BMERB1: variants seen among roughly 807,000 people sequenced by gnomAD.
BMERB1 encodes the protein bMERB domain-containing protein 1.
A neutral mutation model predicts 23.6 loss-of-function variants in BMERB1; 12 were observed. That is an observed-to-expected ratio of 0.51 (90% CI 0.33 to 0.82). BMERB1 has a LOEUF of 0.82. BMERB1 is among the 40% of genes least tolerant of loss of function. BMERB1 has a pLI of 0.03. For missense variants in BMERB1, 247 were observed against 255.4 expected (o/e 0.97, Z 0.22); for synonymous variants, 122 against 96.6 (o/e 1.26, Z -1.54).
chr16:15,579,605 A>G (rs770906522), intron 3 of BMERB1, among the ~76,000 whole-genome samples: 2 of 152,304 alleles, frequency 1.3e-5, no homozygotes, highest in Non-Finnish European at 2.9e-5. Flanking sequence ...AAAGAGCCCA[A>G]GTGGGTTTAA....
Position 15,586,896 on chromosome 16 carries a change from T to G in BMERB1, c.*67T>G, listed in dbSNP as rs938191154. On this transcript the variant is annotated 3_prime_UTR_variant, in exon 6 of 6. Transcript: ENST00000300006. ...CCCTCTTGTCTTTATAGCCCCCATT[T>G]CACCGGGGCCCAAGAGCTCTCCAAG... The G allele has an allele frequency of 4.7e-6, 5 of 1,055,702 alleles. No individual in the cohort carries two copies. Among genetic ancestry groups the G allele is most frequent in the Non-Finnish European group, 6.9e-6 (5 of 727,896 alleles). 65.4% of individuals were successfully genotyped at this position (1,055,702 alleles called of 1,614,324 possible). A position where few individuals can be genotyped will look rare whatever the true frequency, so the allele number is the denominator to read the frequency against.
In BMERB1 at chr16:15,434,690, G is replaced by A. The variant is rs1773083778; in HGVS notation, c.37G>A (p.Ala13Thr). The change falls in exon 1 of 6, where the codon GCC becomes ACC. Residue 13 changes from alanine (A) to threonine (T), a missense_variant. Coordinates refer to ENST00000300006, the MANE Select transcript of BMERB1 (RefSeq NM_033201.3). ...LKQSLSTHLEAEKPLRRYGAV... is the reference protein window; with the variant it reads ...LKQSLSTHLETEKPLRRYGAV... ...GCAATCTTTGTCCACCCATCTGGAA[G>A]CCGAGAAGCCTCTGAGGCGCTATGG... 1 of 1,607,762 alleles carries A rather than the reference G, an allele frequency of 6.2e-7. No individual in the cohort carries two copies. The highest frequency in any genetic ancestry group is 8.5e-7 in the Non-Finnish European group (1 of 1,176,348).
At chr16:15,509,035 G>A (rs1878582946) in intron 1 of BMERB1, among the ~76,000 whole-genome samples, 1 of 151,808 alleles carries the variant, frequency 6.6e-6, no homozygotes, top group Admixed American at 6.6e-5. Context: ...CCAAATCCAA[G>A]CTAAGCACCT....
intron 5 of BMERB1, 45 bp from the exon 6 acceptor site, chr16:15,586,672 T>C (rs1302426351): frequency 6.7e-7 from 1 of 1,483,884 alleles, no homozygotes; most frequent in Non-Finnish European, 9.2e-7. Context: ...CCTCTCTCTC[T>C]CTGTTCCTTT....
At chr16:15,535,748 GA>G (rs577683147) in intron 2 of BMERB1, among the ~76,000 whole-genome samples, 227 of 148,362 alleles carry the variant, frequency 1.5e-3, no homozygotes, top group African/African-American at 4.9e-3. Context: ...TTTCACACTG[GA>G]AAAAAAAAAT....
chr16:15,451,552 CTTTTTTT>C (rs35544766), intron 1 of BMERB1, among the ~76,000 whole-genome samples: 131 of 84,016 alleles, frequency 1.6e-3, no homozygotes, highest in African/African-American at 2.2e-3. Context: ...CTTAGTATTT[CTTTTTTT>C]TTTTTTTTTT....
intron 1 of BMERB1, among the ~76,000 whole-genome samples, chr16:15,496,526 C>T (rs999185863): frequency 6.6e-6 from 1 of 151,980 alleles, no homozygotes; most frequent in Admixed American, 6.6e-5. Flanking sequence ...GATTAATAGA[C>T]CCACTTTACA....
At chr16:15,543,040 A>T (rs2052101142) in intron 2 of BMERB1, among the ~76,000 whole-genome samples, 1 of 152,178 alleles carries the variant, frequency 6.6e-6, no homozygotes, top group Non-Finnish European at 1.5e-5. Flanking sequence ...TCTGGTGTCC[A>T]GGAAGAATCA....
At chr16:15,499,852 A>G (rs536917193) in intron 1 of BMERB1, among the ~76,000 whole-genome samples, 32 of 152,294 alleles carry the variant, frequency 2.1e-4, no homozygotes, top group Non-Finnish European at 4.3e-4. Context: ...CAGCTCATCA[A>G]AGACCTTCCA....
At chr16:15,539,658 A>G (rs1230349118) in intron 2 of BMERB1, among the ~76,000 whole-genome samples, 1 of 152,070 alleles carries the variant, frequency 6.6e-6, no homozygotes, top group Non-Finnish European at 1.5e-5. Context: ...CCTAGCCAAC[A>G]TGGTGGAAAC....
At position 15,587,914 on chromosome 16, in the gene BMERB1, A is replaced by G. The variant is rs1438522420; in HGVS notation, c.*1085A>G. 6.5e-6 allele frequency: 1 copy of G among 153,812 alleles called. No individual in the cohort carries two copies. The allele number at this position is 153,812 out of a possible 1,614,324, so 9.5% of individuals were successfully genotyped here. ...GTAGTTAGCATAACTCAAGATGCTG[A>G]TGTGCAGTCACCCATCAGAGAAAAT... is the stretch of plus-strand genomic sequence containing the variant. On this transcript the variant is annotated 3_prime_UTR_variant, in exon 6 of 6. Transcript: ENST00000300006.
Position 15,566,395 on chromosome 16 carries a change from G to T in BMERB1, c.231-1588G>T, listed in dbSNP as rs1397132403. Among the ~76,000 whole-genome samples the T allele has an allele frequency of 2.0e-5, 3 of 152,182 alleles. No homozygotes were observed. The East Asian group carries it at 5.8e-4, about 29-fold the overall frequency. ...TACAATGTAAGTGTTCATGCCACTA[G>T]ACCCAGCAATTGCATTTCTATGAAT... On this transcript the variant is annotated intron_variant, in intron 2 of 5. Transcript: ENST00000300006.
chr16:15,554,962 G>T (rs1048753329), intron 2 of BMERB1, among the ~76,000 whole-genome samples: 1 of 152,068 alleles, frequency 6.6e-6, no homozygotes, highest in Non-Finnish European at 1.5e-5. Flanking sequence ...CACCGTGCCC[G>T]GCCAGGAGCA....
intron 2 of BMERB1, among the ~76,000 whole-genome samples, chr16:15,533,587 T>C (rs2051991365): frequency 6.6e-6 from 1 of 152,044 alleles, no homozygotes; most frequent in East Asian, 1.9e-4. Context: ...TCCTCTCTGA[T>C]TGGTCCAAAT....
intron 3 of BMERB1, among the ~76,000 whole-genome samples, chr16:15,576,408 G>T (rs989910597): frequency 6.6e-6 from 1 of 152,110 alleles, no homozygotes; most frequent in Non-Finnish European, 1.5e-5. Context: ...GTTAGGAACC[G>T]CCAGGCCTGT....
chr16:15,519,475 C>G (rs144196622), intron 2 of BMERB1, among the ~76,000 whole-genome samples: 34 of 152,266 alleles, frequency 2.2e-4, no homozygotes, highest in Middle Eastern at 3.4e-3. Flanking sequence ...ACTGCAACCT[C>G]CGTCTCCTGG....
intron 1 of BMERB1, among the ~76,000 whole-genome samples, chr16:15,441,636 C>G (rs1449804527): frequency 6.6e-6 from 1 of 152,062 alleles, no homozygotes; most frequent in Non-Finnish European, 1.5e-5. Context: ...CCTCAGCCTC[C>G]CAAAATGCTG....
At chr16:15,462,572 T>C (rs368672066) in intron 1 of BMERB1, among the ~76,000 whole-genome samples, 1 of 152,090 alleles carries the variant, frequency 6.6e-6, no homozygotes, top group East Asian at 1.9e-4. Context: ...GCCTGACATC[T>C]GCAGAACAGG....
In BMERB1 at chr16:15,515,443, G is replaced by A. The variant is rs543718782; in HGVS notation, c.230+15G>A. The A allele has an allele frequency of 9.3e-6, 15 of 1,611,798 alleles. No homozygotes were observed. In the African/African-American group the frequency reaches 1.3e-4, roughly 14 times the overall value. On this transcript the variant is annotated intron_variant, in intron 2 of 5. Coordinates refer to ENST00000300006, the MANE Select transcript of BMERB1 (RefSeq NM_033201.3). The stretch of plus-strand genomic sequence containing the variant: ...CTCAGGTTCATGTGAGTGTTTTGGG[G>A]ATGTGGCCAAGGAAAGAAGTGTGTG...
Sources: gnomAD v4.1 joint callset for allele counts (sites outside exome capture counted in the v4.1 genomes callset) on GRCh38, gnomAD v4.1.1 for gene constraint, MANE v1.5 for transcripts, NCBI Gene and HGNC (gene_info 2026-07-23, HGNC 2026-07-21) for gene names.